ADAD2: variants seen among roughly 807,000 people sequenced by gnomAD.
ADAD2 encodes the protein adenosine deaminase domain containing 2.
In ADAD2, 60 loss-of-function variants were observed where a neutral mutation model predicts 54.5. The ratio of observed to expected loss-of-function variants is 1.10; its 90% CI spans 0.89 to 1.36. The LOEUF (loss-of-function observed/expected upper bound fraction) is 1.36, where lower values mean the gene tolerates loss of function less well. Among genes scored for constraint, ADAD2 ranks in the 40% most tolerant of loss-of-function variants. ADAD2 has a pLI of 0.00. For synonymous variants in ADAD2, 543 were observed against 366.2 expected (o/e 1.48, Z -5.51); for missense variants, 1,103 against 801.3 (o/e 1.38, Z -4.54).
Position 84,196,214 on chromosome 16 carries a change from C to G in ADAD2, c.1370C>G (p.Pro457Arg). ...AGTGTCCTGGGGCCATGCCTGCCAC[C>G]TCCCTACGTCCGGACCGCCCTGCAC... ...LDSVLGPCLPPPYVRTALHLF... is the reference protein window; with the variant it reads ...LDSVLGPCLPRPYVRTALHLF... The change falls in exon 8 of 10, where the codon CCT becomes CGT. Residue 457 changes from proline to arginine, a missense_variant. By Grantham distance (103) the Pro-to-Arg change is moderately radical (BLOSUM62 -2). Transcript: ENST00000315906. 7.4e-6 allele frequency: 12 copies of G among 1,610,810 alleles called. No homozygotes were observed. The highest frequency in any genetic ancestry group is 1.0e-5 in the Non-Finnish European group (12 of 1,179,908).
chr16:84,194,223 T>C (rs1292765164), intron 1 of ADAD2: 3 of 1,559,802 alleles, frequency 1.9e-6, no homozygotes, highest in Non-Finnish European at 2.6e-6. Context: ...AGGAGTTGGG[T>C]GAGGACTTGG....
At position 84,195,209 on chromosome 16, in the gene ADAD2, A is replaced by AGCCCTGGCCCTGGCCCCG; in HGVS notation, c.733+20_733+37dup. On this transcript the variant is annotated intron_variant, in intron 4 of 9. Transcript: ENST00000315906. ...CCTGGAGAGGGGTAGGGATCGCCCC[A>AGCCCTGGCCCTGGCCCCG]GCCCTGGCCCTGGCCCCGGCCCCCT... 6.2e-7 allele frequency: 1 copy of AGCCCTGGCCCTGGCCCCG among 1,611,320 alleles called. No homozygotes were observed. Among genetic ancestry groups the AGCCCTGGCCCTGGCCCCG allele is most frequent in the Non-Finnish European group, 8.5e-7 (1 of 1,178,772 alleles).
chr16:84,191,486 AAC>A lies in ADAD2; in HGVS notation c.257_258del (p.Asn86IlefsTer77). On this transcript the variant is annotated frameshift_variant, in exon 1 of 10. Coordinates refer to ENST00000315906, the MANE Select transcript of ADAD2 (RefSeq NM_001145400.2). LOFTEE classifies it high-confidence loss of function. ...GELGAARAWE[N>X]LGEQMGKAPR... ...ACTGGGGGCAGCCCGGGCGTGGGAA[AAC>A]TTGGGGGAACAGATGGGGAAGGCCC... The A allele has an allele frequency of 1.3e-6, 2 of 1,539,526 alleles. No individual in the cohort carries two copies. The highest frequency in any genetic ancestry group is 1.7e-6 in the Non-Finnish European group (2 of 1,144,532).
chr16:84,196,533 CTG>C (rs1197613089), intron 8 of ADAD2, 112 bp from the exon 9 acceptor site: 8 of 1,553,180 alleles, frequency 5.2e-6, no homozygotes, highest in Non-Finnish European at 7.0e-6. Flanking sequence ...TCTGTCTGCC[CTG>C]TGAGTCCTGT....
chr16:84,191,383 G>A lies in ADAD2; in HGVS notation c.153G>A (p.Thr51=), dbSNP rs369932687. ...SAWGPAPAPA[T]YRAEGGWPQV... is the part of the protein sequence containing the mutation. ...GGGGGCCCGCGCCCGCGCCCGCGAC[G>A]TATCGCGCGGAGGGCGGGTGGCCCC... The change falls in exon 1 of 10, where the codon ACG becomes ACA. Residue 51 remains threonine (T), a synonymous_variant. Transcript: ENST00000315906. The A allele has an allele frequency of 1.7e-5, 25 of 1,513,462 alleles. No individual in the cohort carries two copies. In the African/African-American group the frequency reaches 2.0e-4, roughly 12 times the overall value. 93.8% of individuals were successfully genotyped at this position (1,513,462 alleles called of 1,614,324 possible).
chr16:84,195,480 C>T (rs1310339784), intron 5 of ADAD2, 34 bp downstream of exon 5: 1 of 1,605,516 alleles, frequency 6.2e-7, no homozygotes, highest in Non-Finnish European at 8.5e-7. Flanking sequence ...CTGATAGCAG[C>T]CTTCGCCAGG....
At chr16:84,191,767 C>T (rs1458538899) in intron 1 of ADAD2, 119 bp downstream of exon 1, 3 of 1,432,162 alleles carry the variant, frequency 2.1e-6, no homozygotes, top group Admixed American at 2.0e-5. Flanking sequence ...CTCAGAGACA[C>T]CGCCGGAGCA....
At position 84,195,304 on chromosome 16, in the gene ADAD2, C is replaced by T. The variant is rs200435738; in HGVS notation, c.742C>T (p.Arg248Cys). 4.4e-5 allele frequency: 71 copies of T among 1,611,162 alleles called. No individual in the cohort carries two copies. The highest frequency in any genetic ancestry group is 5.2e-5 in the Non-Finnish European group (61 of 1,179,790). ...TGCCCCCTCCTGCACAGAGATCCCGCGTGCCAGGGGCCACGTGAAGGAGAT... is the reference window on the plus strand; with the variant it reads ...TGCCCCCTCCTGCACAGAGATCCCGTGTGCCAGGGGCCACGTGAAGGAGAT... ...AGVILEREIP[R>C]ARGHVKEIYK... The change falls in exon 5 of 10, where the codon CGT becomes TGT. Residue 248 changes from arginine to cysteine, a missense_variant. By Grantham distance (180) the Arg-to-Cys change is radical. Transcript: ENST00000315906.
At chr16:84,194,387 A>G in intron 1 of ADAD2, 55 bp from the exon 2 acceptor site, 1 of 1,578,154 alleles carries the variant, frequency 6.3e-7, no homozygotes, top group Non-Finnish European at 8.6e-7. Flanking sequence ...CAGAGGTGGT[A>G]CCTGTCACAG....
intron 1 of ADAD2, chr16:84,193,904 C>T (rs906577263): frequency 5.6e-6 from 7 of 1,239,504 alleles, no homozygotes; most frequent in Non-Finnish European, 7.9e-6. Context: ...GCAGCAAGTA[C>T]TGTGAAATTA....
At chr16:84,195,003 A>G in intron 3 of ADAD2, 23 bp downstream of exon 3, 2 of 1,541,946 alleles carry the variant, frequency 1.3e-6, no homozygotes, top group Admixed American at 1.9e-5. Flanking sequence ...TCCCGGACCC[A>G]GGCTTGTAGT....
chr16:84,193,490 G>T (rs889670304), intron 1 of ADAD2: 1 of 153,260 alleles, frequency 6.5e-6, no homozygotes, highest in African/African-American at 2.4e-5. Context: ...TCTTTGGCAC[G>T]CATCTCACCA....
At chr16:84,194,703 C>G (rs1009801030) in intron 2 of ADAD2, 121 bp downstream of exon 2, 2 of 1,483,946 alleles carry the variant, frequency 1.3e-6, no homozygotes, top group African/African-American at 2.8e-5. Context: ...GCTGTACAAA[C>G]CATCTGAGCA....
chr16:84,191,529 C>G lies in ADAD2; in HGVS notation c.299C>G (p.Pro100Arg), dbSNP rs369757342. 2.6e-6 allele frequency: 4 copies of G among 1,546,770 alleles called. No homozygotes were observed. The African/African-American group carries it at 5.5e-5, about 21-fold the overall frequency. Residue 100 changes from proline (P) to arginine (R), a missense_variant, in exon 1 of 10, where the codon CCC (proline) becomes CGC (arginine). Physicochemically the swap from Pro to Arg is moderately radical, Grantham distance 103. Coordinates refer to ENST00000315906, the MANE Select transcript of ADAD2 (RefSeq NM_001145400.2). ...GGGAAGGCCCCGAGGGTCCCTGTGCCCCCAGCAGGGCTCAGCCTGCCGCTC... is the reference window on the plus strand; with the variant it reads ...GGGAAGGCCCCGAGGGTCCCTGTGCGCCCAGCAGGGCTCAGCCTGCCGCTC... ...QMGKAPRVPVPPAGLSLPLKD... is the reference protein window; with the variant it reads ...QMGKAPRVPVRPAGLSLPLKD...
rs543785215 is a variant in ADAD2 at position 84,194,280 on chromosome 16, C to G, written c.419-162C>G. On this transcript the variant is annotated intron_variant, in intron 1 of 9. Transcript: ENST00000315906. ...GCCTGCAGAGGCACTCAAGGGTGTG[C>G]GCGGCATGGGGTGGCGATGGAGCCT... is the stretch of plus-strand genomic sequence containing the variant. The G allele has an allele frequency of 1.9e-6, 3 of 1,549,664 alleles. No individual in the cohort carries two copies. The Admixed American group carries it at 5.9e-5, about 30-fold the overall frequency.
At chr16:84,194,268 C>T (rs781002523) in intron 1 of ADAD2, 174 bp from the exon 2 acceptor site, 35 of 1,552,718 alleles carry the variant, frequency 2.3e-5, no homozygotes, top group Admixed American at 5.9e-5. Flanking sequence ...TGCAGAGGCA[C>T]TCAAGGGTGT....
rs750770738 is a variant in ADAD2 at position 84,196,216 on chromosome 16, C to G, written c.1372C>G (p.Pro458Ala). ...TGTCCTGGGGCCATGCCTGCCACCT[C>G]CCTACGTCCGGACCGCCCTGCACCT... The part of the protein sequence containing the change: ...DSVLGPCLPP[P>A]YVRTALHLFA... The change falls in exon 8 of 10, where the codon CCC (proline) becomes GCC (alanine). Residue 458 changes from proline to alanine, a missense_variant. Transcript: ENST00000315906. 4.3e-6 allele frequency: 7 copies of G among 1,610,820 alleles called. No individual in the cohort carries two copies. In the African/African-American group the frequency reaches 9.3e-5, roughly 22 times the overall value.
rs370598027 is a variant in ADAD2 at position 84,196,459 on chromosome 16, G to T, written c.1526+89G>T. 1.0e-3 allele frequency: 1,555 copies of T among 1,548,578 alleles called. 20 individuals are homozygous for T. The African/African-American group carries it at 0.019, about 19-fold the overall frequency. ...GCTTCCTCACCTCAGTCTAATCCCA[G>T]CGCAACCCCTTCGCTCAACCCCTTC... On this transcript the variant is annotated intron_variant, in intron 8 of 9. Transcript: ENST00000315906.
intron 2 of ADAD2, 53 bp from the exon 3 acceptor site, chr16:84,194,880 A>T: frequency 6.4e-7 from 1 of 1,552,644 alleles, no homozygotes; most frequent in Non-Finnish European, 8.7e-7. Context: ...TTCCTGAGGG[A>T]CGGAGGGTGG....
Sources: gnomAD v4.1 joint callset for allele counts on GRCh38, gnomAD v4.1.1 for gene constraint, MANE v1.5 for transcripts, NCBI Gene and HGNC (gene_info 2026-07-23, HGNC 2026-07-21) for gene names.